MACROD2: variants seen among roughly 807,000 people sequenced by gnomAD.
MACROD2 encodes ADP-ribose glycohydrolase MACROD2.
MACROD2 carries 36 observed loss-of-function variants against 70.4 expected under a neutral mutation model. The ratio of observed to expected loss-of-function variants is 0.51; its 90% CI spans 0.39 to 0.68. MACROD2 has a LOEUF of 0.68. MACROD2 is among the 30% of genes least tolerant of loss of function. The pLI is 0.00. For missense variants in MACROD2, 496 were observed against 538.4 expected (o/e 0.92, Z 0.78); for synonymous variants, 172 against 178.8 (o/e 0.96, Z 0.30).
intron 6 of MACROD2, among the ~76,000 whole-genome samples, chr20:15,261,978 A>G (rs1161506076): frequency 6.6e-6 from 1 of 152,026 alleles, no homozygotes; most frequent in Admixed American, 6.6e-5. Flanking sequence ...AAACAGGCAT[A>G]CAATGTATAA....
At chr20:15,969,480 A>T (rs1457287814) in intron 13 of MACROD2, among the ~76,000 whole-genome samples, 1 of 152,166 alleles carries the variant, frequency 6.6e-6, no homozygotes, top group Non-Finnish European at 1.5e-5. Context: ...TTAGCCGAGA[A>T]CTAGAAGTTC....
At chr20:14,184,856 T>A (rs769959129) in intron 3 of MACROD2, among the ~76,000 whole-genome samples, 2 of 152,168 alleles carry the variant, frequency 1.3e-5, no homozygotes, top group Non-Finnish European at 2.9e-5. Flanking sequence ...GGAATGCTAG[T>A]GATTGTTGCA....
chr20:15,884,223 C>A (rs1347303587), intron 9 of MACROD2, among the ~76,000 whole-genome samples: 2 of 151,992 alleles, frequency 1.3e-5, no homozygotes, highest in African/African-American at 4.8e-5. Flanking sequence ...TCAAAGAGCA[C>A]ATGATTCATT....
At chr20:15,242,981 C>A (rs1471809139) in intron 6 of MACROD2, among the ~76,000 whole-genome samples, 1 of 152,138 alleles carries the variant, frequency 6.6e-6, no homozygotes, top group Non-Finnish European at 1.5e-5. Context: ...CATCTGGTGA[C>A]CCTACTGGGA....
chr20:15,902,902 AGT>A, intron 10 of MACROD2, among the ~76,000 whole-genome samples: 1 of 152,106 alleles, frequency 6.6e-6, no homozygotes, highest in South Asian at 2.1e-4. Flanking sequence ...GAAATGCCCA[AGT>A]GTGTATGAGT....
intron 8 of MACROD2, among the ~76,000 whole-genome samples, chr20:15,771,833 C>T (rs1311027282): frequency 6.6e-6 from 1 of 151,394 alleles, no homozygotes; most frequent in South Asian, 2.1e-4. Context: ...GCCTGTAATC[C>T]CAGCACTTTG....
intron 8 of MACROD2, among the ~76,000 whole-genome samples, chr20:15,548,527 C>T (rs1160879717): frequency 6.6e-6 from 1 of 152,286 alleles, no homozygotes; most frequent in East Asian, 1.9e-4. Context: ...TCCCGAGTAC[C>T]TGGGATTTCA....
chr20:14,771,843 T>C (rs546506031), intron 5 of MACROD2, among the ~76,000 whole-genome samples: 3 of 152,068 alleles, frequency 2.0e-5, no homozygotes, highest in Admixed American at 2.0e-4. Context: ...GATAAGTAAT[T>C]CTTTTTTTCT....
At chr20:15,066,673 A>G (rs1601022114) in intron 5 of MACROD2, among the ~76,000 whole-genome samples, 1 of 151,934 alleles carries the variant, frequency 6.6e-6, no homozygotes, top group African/African-American at 2.4e-5. Flanking sequence ...TGAGCTAGGG[A>G]GTTCAAAACC....
At chr20:14,745,772 T>C (rs1169860632) in intron 5 of MACROD2, among the ~76,000 whole-genome samples, 1 of 152,130 alleles carries the variant, frequency 6.6e-6, no homozygotes, top group Non-Finnish European at 1.5e-5. Flanking sequence ...TACTGTCCTA[T>C]GTTGGAGAGG....
intron 5 of MACROD2, among the ~76,000 whole-genome samples, chr20:15,104,986 A>G (rs1052628880): frequency 1.3e-5 from 2 of 152,276 alleles, no homozygotes; most frequent in African/African-American, 2.4e-5. Context: ...ATGTGCACCA[A>G]TATAACATTT....
chr20:14,092,345 A>T (rs754519649), intron 3 of MACROD2, among the ~76,000 whole-genome samples: 1 of 151,988 alleles, frequency 6.6e-6, no homozygotes, highest in Non-Finnish European at 1.5e-5. Flanking sequence ...CCATTTTGTA[A>T]TGGGTCTCAG....
intron 15 of MACROD2, among the ~76,000 whole-genome samples, chr20:15,990,276 A>G (rs1194942928): frequency 6.6e-6 from 1 of 152,198 alleles, no homozygotes; most frequent in Non-Finnish European, 1.5e-5. Context: ...GTAATATTAT[A>G]GAAGATCTCC....
At chr20:14,723,535 T>C (rs1414911287) in intron 5 of MACROD2, among the ~76,000 whole-genome samples, 2 of 150,288 alleles carry the variant, frequency 1.3e-5, no homozygotes, top group Admixed American at 1.3e-4. Context: ...GGTGACTAAA[T>C]GTGCTGTTTC....
intron 8 of MACROD2, among the ~76,000 whole-genome samples, chr20:15,797,187 C>A (rs1486922423): frequency 6.6e-6 from 1 of 152,108 alleles, no homozygotes; most frequent in East Asian, 1.9e-4. Context: ...GATCTCGGCT[C>A]ACTGCAAGCT....
At chr20:16,013,453 CAAATT>C (rs1320930636) in intron 15 of MACROD2, among the ~76,000 whole-genome samples, 1 of 152,074 alleles carries the variant, frequency 6.6e-6, no homozygotes, top group Non-Finnish European at 1.5e-5. Context: ...AAAAAAATAA[CAAATT>C]AAAAAATAGA....
At chr20:14,238,498 A>C (rs1421291386) in intron 3 of MACROD2, among the ~76,000 whole-genome samples, 1 of 152,218 alleles carries the variant, frequency 6.6e-6, no homozygotes, top group African/African-American at 2.4e-5. Context: ...AATTGGAACA[A>C]GACAAGGATG....
At chr20:14,014,605 C>T (rs1364752874) in intron 2 of MACROD2, among the ~76,000 whole-genome samples, 1 of 151,902 alleles carries the variant, frequency 6.6e-6, no homozygotes, top group Non-Finnish European at 1.5e-5. Flanking sequence ...GTTTCCACCC[C>T]TTAATATCGT....
chr20:14,887,151 C>T (rs1219509451), intron 5 of MACROD2, among the ~76,000 whole-genome samples: 2 of 152,020 alleles, frequency 1.3e-5, no homozygotes, highest in African/African-American at 4.8e-5. Flanking sequence ...TACATGTGTG[C>T]ATGTGTGTCT....
Sources: allele counts gnomAD v4.1 joint callset (sites outside exome capture counted in the v4.1 genomes callset), GRCh38; gene constraint gnomAD v4.1.1; transcripts MANE v1.5; gene names NCBI Gene and HGNC (gene_info 2026-07-23, HGNC 2026-07-21).